Variants in MEF2A observed in about 807,000 individuals in gnomAD.
MEF2A encodes myocyte-specific enhancer factor 2A.
A neutral mutation model predicts 55.8 loss-of-function variants in MEF2A; 28 were observed. The ratio of observed to expected loss-of-function variants is 0.50; its 90% confidence interval spans 0.37 to 0.69. The LOEUF is 0.69. Ranked by LOEUF, MEF2A falls within the 30% of genes least tolerant of loss-of-function variation. MEF2A has a pLI of 0.00. For missense variants in MEF2A, 528 were observed against 626.2 expected (o/e 0.84, Z 1.67); for synonymous variants, 239 against 227.1 (o/e 1.05, Z -0.47).
chr15:99,677,860 A>T (rs559313409), intron 7 of MEF2A, among the ~76,000 whole-genome samples: 1 of 152,340 alleles, frequency 6.6e-6, no homozygotes, highest in African/African-American at 2.4e-5. Flanking sequence ...TAAAGTAGGT[A>T]GAACCAAATA....
At chr15:99,679,803 G>C (rs2052866484) in intron 7 of MEF2A, among the ~76,000 whole-genome samples, 1 of 152,034 alleles carries the variant, frequency 6.6e-6, no homozygotes, top group Non-Finnish European at 1.5e-5. Flanking sequence ...GAATACACTA[G>C]ATATAATAAT....
At position 99,697,460 on chromosome 15, in the gene MEF2A, T is replaced by TA. The variant is rs368420876; in HGVS notation, c.859-5891dup. On this transcript the variant is annotated intron_variant, in intron 8 of 11. Coordinates refer to ENST00000557942, the MANE Select transcript of MEF2A (RefSeq NM_001319206.4). ...CAGTGAACAATTGGAGTTTGAAATTTAAAAAAAAAAATGATAACACCCCAA... is the reference window on the plus strand; with the variant it reads ...CAGTGAACAATTGGAGTTTGAAATTTAAAAAAAAAAAATGATAACACCCCAA... Among the ~76,000 whole-genome samples the TA allele has an allele frequency of 5.1e-3, 761 of 148,234 alleles. 3 individuals carry two copies. The highest frequency in any genetic ancestry group is 8.1e-3 in the Non-Finnish European group (545 of 67,200).
At position 99,668,701 on chromosome 15, in the gene MEF2A, C is replaced by T. The variant is rs146664012; in HGVS notation, c.259-2622C>T. Among the ~76,000 whole-genome samples, 518 of 152,262 alleles carry T rather than the reference C, an allele frequency of 3.4e-3. 4 individuals carry two copies. The highest frequency in any genetic ancestry group is 0.012 in the African/African-American group (486 of 41,558). ...GAGCAAGTGTCTTTATTGTGGCTAA[C>T]TTGTGTGTGAGAAAACTGAAGCTGG... On this transcript the variant is annotated intron_variant, in intron 4 of 11. Transcript: ENST00000557942.
At chr15:99,593,199 C>T (rs868757513) in intron 1 of MEF2A, among the ~76,000 whole-genome samples, 2 of 152,206 alleles carry the variant, frequency 1.3e-5, no homozygotes, top group South Asian at 4.2e-4. Flanking sequence ...CGCACAAATT[C>T]CCATTACCTC....
chr15:99,688,725 C>T (rs970345165), intron 7 of MEF2A, among the ~76,000 whole-genome samples: 1 of 152,096 alleles, frequency 6.6e-6, no homozygotes, highest in Non-Finnish European at 1.5e-5. Flanking sequence ...CTGCTGCACT[C>T]CAGCCTGGGC....
chr15:99,566,023 A>AGGC lies in MEF2A; in HGVS notation c.-302_-300dup, dbSNP rs1959183039. 6.6e-6 allele frequency: 1 copy of AGGC among 152,448 alleles called. No homozygotes were observed. Among genetic ancestry groups the AGGC allele is most frequent in the African/African-American group, 2.4e-5 (1 of 41,514 alleles). 9.4% of individuals were successfully genotyped at this position (152,448 alleles called of 1,614,324 possible). Reference sequence around the variant, plus strand: ...GTCCCGGCGAGTCCCGGGCTGAAAGAGGCGGCTCCGGGCGGCGCGAAGCGC... The same window carrying AGGC: ...GTCCCGGCGAGTCCCGGGCTGAAAGAGGCGGCGGCTCCGGGCGGCGCGAAGCGC... On this transcript the variant is annotated 5_prime_UTR_variant, in exon 1 of 12. Coordinates refer to ENST00000557942, the MANE Select transcript of MEF2A (RefSeq NM_001319206.4).
In MEF2A at chr15:99,712,930, G is replaced by T. The variant is rs2058825833; in HGVS notation, c.*159G>T. 2.3e-5 allele frequency: 18 copies of T among 767,118 alleles called. No homozygotes were observed. The highest frequency in any genetic ancestry group is 2.8e-5 in the Non-Finnish European group (14 of 504,750). 47.5% of individuals were successfully genotyped at this position (767,118 alleles called of 1,614,324 possible). On this transcript the variant is annotated 3_prime_UTR_variant, in exon 12 of 12. Transcript: ENST00000557942. The surrounding 1 kb of genome is among the most constrained non-coding windows in gnomAD (Gnocchi z 4.1). ...ATGTGGGTGTGAGTGTGTATGTGTG[G>T]GTGTGTGTTACATACACAGAATCAG...
intron 4 of MEF2A, among the ~76,000 whole-genome samples, chr15:99,667,489 C>T (rs1055882468): frequency 6.6e-5 from 10 of 152,242 alleles, no homozygotes; most frequent in Admixed American, 6.5e-4. Flanking sequence ...TCCCAAAGTG[C>T]TGGGATTACA....
intron 10 of MEF2A, 107 bp from the exon 11 acceptor site, chr15:99,710,527 G>A (rs762425237): frequency 4.4e-4 from 628 of 1,420,034 alleles, no homozygotes; most frequent in Non-Finnish European, 5.7e-4. Flanking sequence ...ACTGGCATGA[G>A]CCAGCATGGC....
intron 4 of MEF2A, among the ~76,000 whole-genome samples, chr15:99,663,824 CTTT>C (rs1487634598): frequency 6.6e-6 from 1 of 151,904 alleles, no homozygotes; most frequent in African/African-American, 2.4e-5. Flanking sequence ...TTTTTTCTTT[CTTT>C]TTTCACCTCT....
rs923332392 is a variant in MEF2A, at chr15:99,714,313, T to G, written c.*1542T>G. 2 of 152,200 alleles carry G rather than the reference T, an allele frequency of 1.3e-5. No homozygotes were observed. Among genetic ancestry groups the G allele is most frequent in the South Asian group, 4.1e-4 (2 of 4,830 alleles). The allele number at this position is 152,200 out of a possible 1,614,324, so 9.4% of individuals were successfully genotyped here. On this transcript the variant is annotated 3_prime_UTR_variant, in exon 12 of 12. Transcript: ENST00000557942. ...AAAAGCTGACCTAATTTAATTAATA[T>G]TAGAGAAAATGGCAAAATAGTAGAT... is the stretch of plus-strand genomic sequence containing the variant.
At chr15:99,625,104 G>A (rs74771858) in intron 2 of MEF2A, among the ~76,000 whole-genome samples, 6 of 152,270 alleles carry the variant, frequency 3.9e-5, no homozygotes, top group South Asian at 2.1e-4. Flanking sequence ...TGTTTGGTAC[G>A]TTAGGTGTAT....
At chr15:99,584,877 A>AT (rs1267853569) in intron 1 of MEF2A, among the ~76,000 whole-genome samples, 2 of 151,956 alleles carry the variant, frequency 1.3e-5, no homozygotes, top group East Asian at 1.9e-4. Context: ...TTTCTTTTTT[A>AT]TTTTTTCAGA....
chr15:99,633,469 A>G (rs773894263), intron 3 of MEF2A, among the ~76,000 whole-genome samples: 7 of 152,084 alleles, frequency 4.6e-5, no homozygotes, highest in East Asian at 1.9e-4. Context: ...TTAGTCTTCT[A>G]TGTATTTGAT....
At chr15:99,672,120 G>GTTT (rs1243570017) in intron 5 of MEF2A, among the ~76,000 whole-genome samples, 3 of 152,148 alleles carry the variant, frequency 2.0e-5, no homozygotes, top group Non-Finnish European at 4.4e-5. Context: ...TGCGAAACTT[G>GTTT]TTTTTTTCCT....
chr15:99,580,719 C>G (rs1965680040), intron 1 of MEF2A, among the ~76,000 whole-genome samples: 1 of 152,126 alleles, frequency 6.6e-6, no homozygotes, highest in Admixed American at 6.5e-5. Context: ...TGACCAAGGG[C>G]CTCCTTTGGT....
At chr15:99,567,400 A>T (rs139896046) in intron 1 of MEF2A, among the ~76,000 whole-genome samples, 2 of 152,202 alleles carry the variant, frequency 1.3e-5, no homozygotes, top group African/African-American at 2.4e-5. Context: ...TACATTACCC[A>T]AGAGTACTTT....
intron 8 of MEF2A, among the ~76,000 whole-genome samples, chr15:99,692,449 G>A (rs185103496): frequency 5.3e-5 from 8 of 152,090 alleles, no homozygotes; most frequent in South Asian, 2.1e-4. Flanking sequence ...GAGATTTCAC[G>A]GCAACCAACT....
intron 2 of MEF2A, among the ~76,000 whole-genome samples, chr15:99,616,247 G>A (rs980669837): frequency 3.9e-5 from 6 of 152,126 alleles, no homozygotes; most frequent in Non-Finnish European, 8.8e-5. Flanking sequence ...AAGATAAAAT[G>A]AGAAAATATT....
Sources: gnomAD v4.1 joint callset for allele counts (sites outside exome capture counted in the v4.1 genomes callset) on GRCh38, gnomAD v4.1.1 for gene constraint, Gnocchi (gnomAD v3.1) non-coding constraint, MANE v1.5 for transcripts, NCBI Gene and HGNC (gene_info 2026-07-23, HGNC 2026-07-21) for gene names.